Variants in ANKRD11 observed in about 807,000 individuals in gnomAD.
ANKRD11 encodes ankyrin repeat domain-containing protein 11.
ANKRD11 carries 17 observed loss-of-function variants against 195.7 expected under a neutral mutation model. The observed-to-expected ratio is 0.09, with a 90% CI of 0.06 to 0.13. The LOEUF (loss-of-function observed/expected upper bound fraction) is 0.13. Ranked by LOEUF, ANKRD11 falls within the 10% of genes least tolerant of loss-of-function variation. ANKRD11 has a pLI of 1.00. For synonymous variants in ANKRD11, 1,953 were observed against 1,528.1 expected, an observed-to-expected ratio of 1.28 and a Z score of -6.49; for missense variants, 3,735 against 3,566.1, an observed-to-expected ratio of 1.05 and a Z score of -1.21.
rs1402377065 is a variant in ANKRD11, at chr16:89,281,651, G to A, written c.4891C>T (p.Arg1631Trp). 14 of 1,613,998 alleles carry A rather than the reference G, an allele frequency of 8.7e-6. No homozygotes were observed. Among genetic ancestry groups the A allele is most frequent in the East Asian group, 4.5e-5 (2 of 44,890 alleles). ...KEKAKPADDGRKKGLDIPAKK... is the reference protein window; with the variant it reads ...KEKAKPADDGWKKGLDIPAKK... ...GCAGGAATGTCCAGACCCTTCTTCC[G>A]CCCGTCGTCTGCCGGCTTCGCCTTC... The change falls in exon 9 of 13, where the codon CGG becomes TGG. Residue 1631 changes from arginine to tryptophan, a missense_variant. Arg to Trp is a moderately radical substitution (Grantham distance 101). Transcript: ENST00000301030. The surrounding 1 kb of genome is among the most constrained non-coding windows in gnomAD (Gnocchi z 5.5).
chr16:89,285,937 C>A lies in ANKRD11; in HGVS notation c.892+102G>T, dbSNP rs1005778062. The A allele has an allele frequency of 1.9e-6, 3 of 1,575,366 alleles. No individual in the cohort carries two copies. The highest frequency in any genetic ancestry group is 1.1e-5 in the South Asian group (1 of 89,748). On this transcript the variant is annotated intron_variant, in intron 8 of 12. Coordinates refer to ENST00000301030, the MANE Select transcript of ANKRD11 (RefSeq NM_013275.6). This position sits in a 1 kb window ranked among gnomAD's most constrained non-coding sequence, Gnocchi z 5.6. ...GAAGCTCCTGTAAGCCCCCAGCATCCGAGGAGGAGCTGATCAGAGGGGCAA... is the reference window on the plus strand; with the variant it reads ...GAAGCTCCTGTAAGCCCCCAGCATCAGAGGAGGAGCTGATCAGAGGGGCAA...
intron 2 of ANKRD11, among the ~76,000 whole-genome samples, chr16:89,329,690 C>T (rs2037944181): frequency 6.6e-6 from 1 of 152,120 alleles, no homozygotes; most frequent in Non-Finnish European, 1.5e-5. Flanking sequence ...GTGTATTTGG[C>T]TTTGGAATCA....
At chr16:89,474,245 C>T (rs923870150) in intron 1 of ANKRD11, among the ~76,000 whole-genome samples, 1 of 152,314 alleles carries the variant, frequency 6.6e-6, no homozygotes, top group Non-Finnish European at 1.5e-5. Context: ...TCCCACTAAG[C>T]TGTGCCCAGA....
intron 2 of ANKRD11, among the ~76,000 whole-genome samples, chr16:89,409,455 G>A (rs1374894654): frequency 2.0e-5 from 3 of 152,170 alleles, no homozygotes; most frequent in Non-Finnish European, 2.9e-5. Context: ...TGCACGTCAC[G>A]GCCCTGCCCA....
intron 1 of ANKRD11, among the ~76,000 whole-genome samples, chr16:89,439,053 C>CA (rs76146550): frequency 0.011 from 1,575 of 138,274 alleles, 19 homozygotes; most frequent in Admixed American, 0.035. Context: ...AAAACAAAAC[C>CA]AAAAAAAAAA....
chr16:89,349,459 G>A lies in ANKRD11; in HGVS notation c.-59-32381C>T, dbSNP rs562375421. 5.9e-5 allele frequency among the ~76,000 whole-genome samples: 9 copies of A among 152,224 alleles called. 1 individual carries two copies. In the South Asian group the frequency reaches 1.9e-3, roughly 32 times the overall value. On this transcript the variant is annotated intron_variant, in intron 2 of 12. Transcript: ENST00000301030. ...CGCGCCACTGCACTCCAGCCTGGGC[G>A]ACAGAGCGAGACTCATCTCAAAAAA...
intron 1 of ANKRD11, among the ~76,000 whole-genome samples, chr16:89,425,378 A>T (rs1346091105): frequency 6.6e-6 from 1 of 152,212 alleles, no homozygotes; most frequent in Non-Finnish European, 1.5e-5. Context: ...ATCTGCTATT[A>T]TTATGGCTTA....
At chr16:89,458,361 ACTACAGGCGCCCGC>A (rs2056526828) in intron 1 of ANKRD11, among the ~76,000 whole-genome samples, 1 of 151,890 alleles carries the variant, frequency 6.6e-6, no homozygotes, top group Non-Finnish European at 1.5e-5. Context: ...AGTAGCTGGG[ACTACAGGCGCCCGC>A]CACCACGCCC....
Position 89,281,555 on chromosome 16 carries a change from C to CAGGTGGAAT in ANKRD11, c.4978_4986dup (p.Ile1660_Pro1662dup), listed in dbSNP as rs761701060. 73 of 1,614,190 alleles carry CAGGTGGAAT rather than the reference C, an allele frequency of 4.5e-5. 3 individuals carry two copies. The South Asian group carries it at 7.9e-4, about 17-fold the overall frequency. On this transcript the variant is annotated inframe_insertion, in exon 9 of 13. Transcript: ENST00000301030. The surrounding 1 kb of genome is among the most constrained non-coding windows in gnomAD (Gnocchi z 5.5). ...GCTGGGTGTAGCTTATTTTCCGCGG[C>CAGGTGGAAT]AGGTGGAATAGGAGTCGACTCTTTG...
At chr16:89,441,748 CAG>C (rs1452683284) in intron 1 of ANKRD11, among the ~76,000 whole-genome samples, 1 of 115,640 alleles carries the variant, frequency 8.6e-6, no homozygotes, top group Admixed American at 1.3e-4. Flanking sequence ...GCCTGGGCAA[CAG>C]AGCGAGACTC....
chr16:89,375,464 C>CT (rs11296503), intron 2 of ANKRD11, among the ~76,000 whole-genome samples: 2 of 149,124 alleles, frequency 1.3e-5, no homozygotes. Context: ...GACTCTATCT[C>CT]TTTTTTTTTT....
At chr16:89,428,692 G>A (rs536516401) in intron 1 of ANKRD11, among the ~76,000 whole-genome samples, 57 of 151,668 alleles carry the variant, frequency 3.8e-4, no homozygotes, top group Admixed American at 1.2e-3. Flanking sequence ...TCAGGAGTTC[G>A]AGACCAGCCT....
At chr16:89,477,314 T>TC (rs2057294099) in intron 1 of ANKRD11, among the ~76,000 whole-genome samples, 1 of 151,300 alleles carries the variant, frequency 6.6e-6, no homozygotes, top group Non-Finnish European at 1.5e-5. Context: ...TGCCTCAGCC[T>TC]CCTCAGTAGC....
rs539529511 is a variant in ANKRD11, at chr16:89,371,800, C to T, written c.-60+46484G>A. Reference sequence around the variant, plus strand: ...GTGGTCTCCATCAAGGCCACGCCCTCTGCCCAGGCCAGCAATGTCCATCAT... The same window carrying T: ...GTGGTCTCCATCAAGGCCACGCCCTTTGCCCAGGCCAGCAATGTCCATCAT... On this transcript the variant is annotated intron_variant, in intron 2 of 12. Transcript: ENST00000301030. Among the ~76,000 whole-genome samples, 252 of 152,316 alleles carry T rather than the reference C, an allele frequency of 1.7e-3. 3 individuals carry two copies. The highest frequency in any genetic ancestry group is 2.9e-4 in the Non-Finnish European group (20 of 68,034).
At chr16:89,441,346 G>A (rs2043455023) in intron 1 of ANKRD11, among the ~76,000 whole-genome samples, 1 of 152,078 alleles carries the variant, frequency 6.6e-6, no homozygotes, top group Non-Finnish European at 1.5e-5. Context: ...TCTCAACACA[G>A]GCTCTCTTAC....
At chr16:89,341,264 G>GT (rs1232541784) in intron 2 of ANKRD11, among the ~76,000 whole-genome samples, 1 of 152,206 alleles carries the variant, frequency 6.6e-6, no homozygotes, top group African/African-American at 2.4e-5. Context: ...AAACAATGCT[G>GT]TGGGTCCATT....
In ANKRD11 at chr16:89,279,954, G is replaced by A. The variant is rs752780335; in HGVS notation, c.6588C>T (p.Ser2196=). 1.2e-6 allele frequency: 2 copies of A among 1,610,414 alleles called. No individual in the cohort carries two copies. The highest frequency in any genetic ancestry group is 1.3e-5 in the African/African-American group (1 of 75,048). The stretch of plus-strand genomic sequence containing the variant: ...GCTCGAGCTCTGCAGGGAGCCGGGT[G>A]GAGGCCTGGTCAGGAGGCAGTGCCG... ...EPPALPPDQA[S]TRLPAELEPE... is the part of the protein sequence containing the mutation. The change falls in exon 9 of 13, where the codon TCC becomes TCT. Residue 2196 remains serine, a synonymous_variant. Coordinates refer to ENST00000301030, the MANE Select transcript of ANKRD11 (RefSeq NM_013275.6). The surrounding 1 kb of genome is among the most constrained non-coding windows in gnomAD (Gnocchi z 5.6).
At chr16:89,408,418 ATGGCAGG>A (rs2041993727) in intron 2 of ANKRD11, among the ~76,000 whole-genome samples, 1 of 152,230 alleles carries the variant, frequency 6.6e-6, no homozygotes, top group African/African-American at 2.4e-5. Context: ...GAGGAAGAGG[ATGGCAGG>A]TACACAGGCC....
In ANKRD11 at chr16:89,285,257, A is replaced by G; in HGVS notation, c.1285T>C (p.Ser429Pro). The G allele has an allele frequency of 6.2e-7, 1 of 1,613,616 alleles. No individual in the cohort carries two copies. The highest frequency in any genetic ancestry group is 8.5e-7 in the Non-Finnish European group (1 of 1,180,000). ...CTACCAGGCAATATCGTATGTGCCGAGAGTCTCAGCTTCTCTCCTGTCCCC... is the reference window on the plus strand; with the variant it reads ...CTACCAGGCAATATCGTATGTGCCGGGAGTCTCAGCTTCTCTCCTGTCCCC... Reference protein sequence around the residue: ...TVGTGEKLRLSAHTILPGSKT... With the variant: ...TVGTGEKLRLPAHTILPGSKT... The change falls in exon 9 of 13, where the codon TCG (serine) becomes CCG (proline). Residue 429 changes from serine (S) to proline (P), a missense_variant. Transcript: ENST00000301030. This position sits in a 1 kb window ranked among gnomAD's most constrained non-coding sequence, Gnocchi z 5.6.
Sources: gnomAD v4.1 joint callset for allele counts (sites outside exome capture counted in the v4.1 genomes callset) on GRCh38, gnomAD v4.1.1 for gene constraint, Gnocchi (gnomAD v3.1) non-coding constraint, MANE v1.5 for transcripts, NCBI Gene and HGNC (gene_info 2026-07-23, HGNC 2026-07-21) for gene names.